PATJ: variants seen among roughly 807,000 people sequenced by gnomAD.
PATJ encodes the protein inaD-like protein.
A neutral mutation model predicts 224.9 loss-of-function variants in PATJ; 190 were observed. The observed-to-expected ratio is 0.84, with a 90% CI of 0.75 to 0.95. PATJ has a LOEUF of 0.95. Among genes scored for constraint, PATJ ranks in the 40% least tolerant of loss-of-function variants. The probability of loss-of-function intolerance (pLI) is 0.00; values close to 1 mark genes in which losing one functional copy is unlikely to be tolerated. For synonymous variants in PATJ, 769 were observed against 820.3 expected (o/e 0.94, Z 1.07); for missense variants, 2,121 against 2,270.3 (o/e 0.93, Z 1.34).
At chr1:61,784,798 C>T (rs1335459636) in intron 7 of PATJ, among the ~76,000 whole-genome samples, 1 of 152,210 alleles carries the variant, frequency 6.6e-6, no homozygotes, top group Non-Finnish European at 1.5e-5. Context: ...CTGTTGCATG[C>T]ATGAAAACAG....
At chr1:62,007,187 G>A (rs1262437424) in intron 28 of PATJ, among the ~76,000 whole-genome samples, 1 of 152,096 alleles carries the variant, frequency 6.6e-6, no homozygotes, top group Non-Finnish European at 1.5e-5. Context: ...GCTACTGAAC[G>A]ACATTTTATT....
At chr1:61,745,268 A>T (rs1205003334) in intron 1 of PATJ, among the ~76,000 whole-genome samples, 3 of 151,988 alleles carry the variant, frequency 2.0e-5, no homozygotes, top group Non-Finnish European at 4.4e-5. Context: ...TAATTTTTTT[A>T]AATATTTATT....
chr1:61,918,307 C>CTTTTT (rs981322479), intron 26 of PATJ, among the ~76,000 whole-genome samples: 2 of 115,626 alleles, frequency 1.7e-5, no homozygotes, highest in African/African-American at 6.8e-5. Context: ...TTTGTGTATT[C>CTTTTT]TTTTTTTTTT....
intron 39 of PATJ, among the ~76,000 whole-genome samples, chr1:62,124,079 T>TTTTTTC (rs368072954): frequency 6.6e-6 from 1 of 152,142 alleles, no homozygotes; most frequent in Non-Finnish European, 1.5e-5. Flanking sequence ...AGTAGACTCT[T>TTTTTTC]TTTTTCTTTT....
intron 1 of PATJ, among the ~76,000 whole-genome samples, chr1:61,749,476 G>A (rs1334542159): frequency 6.6e-6 from 1 of 152,052 alleles, no homozygotes; most frequent in Non-Finnish European, 1.5e-5. Flanking sequence ...TGAATCAACT[G>A]GCAAAAAGTT....
At chr1:61,843,699 G>A (rs368104393) in intron 17 of PATJ, among the ~76,000 whole-genome samples, 18 of 145,588 alleles carry the variant, frequency 1.2e-4, no homozygotes, top group East Asian at 6.0e-4. Flanking sequence ...CAGCCTGGGT[G>A]ACAGAGTGAG....
chr1:62,154,094 C>T (rs932046564), intron 43 of PATJ, among the ~76,000 whole-genome samples: 11 of 151,968 alleles, frequency 7.2e-5, no homozygotes, highest in African/African-American at 2.7e-4. Context: ...CGGGGTTTCG[C>T]CATGTTGCCC....
intron 26 of PATJ, among the ~76,000 whole-genome samples, chr1:61,915,582 TAGAA>T (rs1256291290): frequency 6.6e-6 from 1 of 152,072 alleles, no homozygotes; most frequent in East Asian, 1.9e-4. Context: ...TAGATTAACT[TAGAA>T]AGAAGTTATA....
chr1:62,130,783 A>C (rs549430577), intron 41 of PATJ, among the ~76,000 whole-genome samples: 4 of 152,180 alleles, frequency 2.6e-5, no homozygotes, highest in African/African-American at 9.6e-5. Context: ...CCTGGGAGGC[A>C]GAGCTTGCAG....
intron 22 of PATJ, among the ~76,000 whole-genome samples, chr1:61,898,752 C>T (rs1670714628): frequency 2.6e-5 from 4 of 152,178 alleles, no homozygotes; most frequent in Non-Finnish European, 5.9e-5. Context: ...TAACCAAATA[C>T]TCCGTAACTC....
intron 41 of PATJ, among the ~76,000 whole-genome samples, chr1:62,131,685 G>A (rs1666280023): frequency 6.6e-6 from 1 of 152,102 alleles, no homozygotes; most frequent in Middle Eastern, 3.4e-3. Context: ...CTGCTCGGAG[G>A]ATGAGGCAGG....
At chr1:62,047,187 C>G (rs531481611) in intron 30 of PATJ, among the ~76,000 whole-genome samples, 1 of 152,328 alleles carries the variant, frequency 6.6e-6, no homozygotes, top group African/African-American at 2.4e-5. Context: ...GAGGTGGTGG[C>G]CATTTGCAGG....
intron 31 of PATJ, among the ~76,000 whole-genome samples, chr1:62,071,670 C>T (rs927259077): frequency 1.1e-4 from 16 of 151,890 alleles, no homozygotes; most frequent in Non-Finnish European, 2.9e-5. Flanking sequence ...TTAGTACAGA[C>T]GGGGTTTTGC....
chr1:62,079,686 C>T (rs1188803117), intron 32 of PATJ, 119 bp downstream of exon 32: 7 of 697,004 alleles, frequency 1.0e-5, no homozygotes, highest in East Asian at 7.6e-5. Context: ...ATACTTCCTC[C>T]GCTTCCTTAG....
intron 14 of PATJ, among the ~76,000 whole-genome samples, chr1:61,810,717 A>T (rs1457650520): frequency 6.7e-6 from 1 of 149,754 alleles, no homozygotes; most frequent in Non-Finnish European, 1.5e-5. Context: ...TAAATAAATA[A>T]ATAAATAAAT....
chr1:62,050,120 CAAA>C (rs35986021), intron 30 of PATJ, among the ~76,000 whole-genome samples: 5 of 95,194 alleles, frequency 5.3e-5, no homozygotes, highest in Non-Finnish European at 4.5e-5. Flanking sequence ...TCTGCCCCAC[CAAA>C]AAAAAAAAAA....
intron 27 of PATJ, among the ~76,000 whole-genome samples, chr1:61,930,388 G>A (rs999448889): frequency 2.0e-5 from 3 of 152,182 alleles, no homozygotes; most frequent in Admixed American, 6.6e-5. Flanking sequence ...TAAACTAAAA[G>A]TATTTCGGGT....
At chr1:61,774,851 C>T (rs2148395386) in intron 6 of PATJ, among the ~76,000 whole-genome samples, 1 of 152,274 alleles carries the variant, frequency 6.6e-6, no homozygotes, top group Non-Finnish European at 1.5e-5. Context: ...TTCAAGCAGA[C>T]ACATATTTAC....
intron 29 of PATJ, among the ~76,000 whole-genome samples, chr1:62,032,839 G>C (rs1034978796): frequency 3.3e-5 from 5 of 152,114 alleles, no homozygotes; most frequent in Non-Finnish European, 7.3e-5. Context: ...GTGTCTGGGG[G>C]GGCCTCAAGA....
Sources: allele counts gnomAD v4.1 joint callset (sites outside exome capture counted in the v4.1 genomes callset), GRCh38; gene constraint gnomAD v4.1.1; transcripts MANE v1.5; gene names NCBI Gene and HGNC (gene_info 2026-07-23, HGNC 2026-07-21).